LRGUK: variants seen among roughly 807,000 people sequenced by gnomAD.
The protein encoded by LRGUK is leucine-rich repeat and guanylate kinase domain-containing protein.
In LRGUK, 65 loss-of-function variants were observed where a neutral mutation model predicts 76.0. The observed-to-expected ratio is 0.85, with a 90% confidence interval of 0.70 to 1.05. The LOEUF is 1.05. Among genes scored for constraint, LRGUK ranks in the 50% least tolerant of loss-of-function variants. The pLI, the probability that LRGUK is intolerant of heterozygous loss-of-function variation, is 0.00. For synonymous variants in LRGUK, 268 were observed against 265.6 expected, an observed-to-expected ratio of 1.01 and a Z score of -0.09; for missense variants, 758 against 732.8, an observed-to-expected ratio of 1.03 and a Z score of -0.40.
the LRGUK span, among the ~76,000 whole-genome samples, chr7:134,273,107 T>A: frequency 7.1e-4 from 108 of 152,290 alleles, 1 homozygote; most frequent in Admixed American, 3.8e-3. Flanking sequence ...ACAATCTTCT[T>A]CATGGAACTT....
chr7:134,197,357 A>G (rs1473982005), intron 13 of LRGUK, among the ~76,000 whole-genome samples: 3 of 152,234 alleles, frequency 2.0e-5, no homozygotes, highest in Admixed American at 6.5e-5. Flanking sequence ...AAGACACATG[A>G]AACATTAAGT....
intron 6 of LRGUK, among the ~76,000 whole-genome samples, chr7:134,160,003 A>G (rs897565932): frequency 6.6e-6 from 1 of 152,248 alleles, no homozygotes; most frequent in Non-Finnish European, 1.5e-5. Flanking sequence ...TTAAGTTAGA[A>G]AAGAAAGTCA....
chr7:134,257,511 A>G (rs1247145040), intron 18 of LRGUK, among the ~76,000 whole-genome samples: 1 of 152,142 alleles, frequency 6.6e-6, no homozygotes, highest in African/African-American at 2.4e-5. Flanking sequence ...ATTATCCTAA[A>G]AATGGAAATG....
rs188011796 is a variant in LRGUK, at chr7:134,239,512, G to A, written c.1984-8044G>A. Reference sequence around the variant, plus strand: ...CAGCGAGGCTGGGGGAGGGGCATCCGCCATTGCTGAGGCTTGAGTAGGTAA... The same window carrying A: ...CAGCGAGGCTGGGGGAGGGGCATCCACCATTGCTGAGGCTTGAGTAGGTAA... On this transcript the variant is annotated intron_variant, in intron 16 of 19. Transcript: ENST00000285928. Among the ~76,000 whole-genome samples, 648 of 152,318 alleles carry A rather than the reference G, an allele frequency of 4.3e-3. 5 individuals carry two copies. Among genetic ancestry groups the A allele is most frequent in the African/African-American group, 0.014 (590 of 41,572 alleles).
chr7:134,210,045 C>T, exon 16 of LRGUK: 1 of 399,772 alleles, frequency 2.5e-6, no homozygotes, highest in Non-Finnish European at 4.4e-6. Context: ...CGGGCCTCAC[C>T]CCACAACCAG....
At chr7:134,132,320 A>T (rs1218543590) in intron 1 of LRGUK, among the ~76,000 whole-genome samples, 1 of 152,194 alleles carries the variant, frequency 6.6e-6, no homozygotes, top group East Asian at 1.9e-4. Context: ...ATGCCACTGC[A>T]TTCCAGCCTG....
chr7:134,236,678 A>T (rs910837276), intron 16 of LRGUK, among the ~76,000 whole-genome samples: 3 of 152,234 alleles, frequency 2.0e-5, no homozygotes, highest in African/African-American at 7.2e-5. Context: ...TTCTTCTAGC[A>T]GAAGTTTCCT....
At chr7:134,218,047 C>T (rs959501244) in intron 15 of LRGUK, among the ~76,000 whole-genome samples, 1 of 152,104 alleles carries the variant, frequency 6.6e-6, no homozygotes, top group African/African-American at 2.4e-5. Context: ...CTGCAGCCTC[C>T]GCCTCCCAGG....
intron 16 of LRGUK, among the ~76,000 whole-genome samples, chr7:134,235,863 GGTTA>G: frequency 6.6e-6 from 1 of 152,114 alleles, no homozygotes; most frequent in East Asian, 1.9e-4. Context: ...AGATTAAAGG[GGTTA>G]GTTGACATCA....
intron 3 of LRGUK, among the ~76,000 whole-genome samples, chr7:134,142,665 A>G (rs1797813608): frequency 6.6e-6 from 1 of 152,222 alleles, no homozygotes; most frequent in Non-Finnish European, 1.5e-5. Context: ...TTAGTTATTT[A>G]GGGGCTAATT....
intron 19 of LRGUK, among the ~76,000 whole-genome samples, chr7:134,261,541 C>G (rs1168002004): frequency 6.6e-6 from 1 of 152,156 alleles, no homozygotes; most frequent in Non-Finnish European, 1.5e-5. Flanking sequence ...AGGACTCAGC[C>G]AAGTGCAGTG....
At chr7:134,200,145 A>T (rs1473576323) in intron 14 of LRGUK, among the ~76,000 whole-genome samples, 1 of 150,040 alleles carries the variant, frequency 6.7e-6, no homozygotes, top group African/African-American at 2.5e-5. Flanking sequence ...CAAGCAATAG[A>T]TCTGCCTCAA....
At chr7:134,191,362 A>T (rs1241817660) in intron 11 of LRGUK, among the ~76,000 whole-genome samples, 1 of 152,182 alleles carries the variant, frequency 6.6e-6, no homozygotes, top group Non-Finnish European at 1.5e-5. Context: ...ATAAGTATTG[A>T]TTTACTTCTT....
At chr7:134,158,718 A>G (rs1217167372) in intron 6 of LRGUK, among the ~76,000 whole-genome samples, 1 of 152,172 alleles carries the variant, frequency 6.6e-6, no homozygotes, top group African/African-American at 2.4e-5. Context: ...TCCCACAGAG[A>G]GCACTCTTTC....
At chr7:134,266,317 T>G (rs1802854223), downstream of LRGUK, among the ~76,000 whole-genome samples, 1 of 152,190 alleles carries the variant, frequency 6.6e-6, no homozygotes, top group Non-Finnish European at 1.5e-5. Flanking sequence ...ACACAGATGT[T>G]GGAATTATTG....
downstream of LRGUK, among the ~76,000 whole-genome samples, chr7:134,214,138 AAT>A: frequency 6.6e-6 from 1 of 152,374 alleles, no homozygotes; most frequent in South Asian, 2.1e-4. Context: ...ATGATTGGGA[AAT>A]TCACAGAAGA....
intron 7 of LRGUK, among the ~76,000 whole-genome samples, chr7:134,167,523 C>T (rs1349012243): frequency 6.6e-6 from 1 of 152,128 alleles, no homozygotes; most frequent in Non-Finnish European, 1.5e-5. Flanking sequence ...GAACAGGAGA[C>T]CGCAGGTTCC....
intron 5 of LRGUK, among the ~76,000 whole-genome samples, chr7:134,149,852 C>T (rs1214110452): frequency 6.6e-6 from 1 of 152,142 alleles, no homozygotes; most frequent in Non-Finnish European, 1.5e-5. Context: ...AAGACCACAG[C>T]AGCAGCATCA....
chr7:134,265,690 G>A (rs1323435884), downstream of LRGUK, among the ~76,000 whole-genome samples: 1 of 152,134 alleles, frequency 6.6e-6, no homozygotes, highest in African/African-American at 2.4e-5. Flanking sequence ...CCTTCTCTCT[G>A]CTGGGACAGT....
Sources: gnomAD v4.1 joint callset for allele counts (sites outside exome capture counted in the v4.1 genomes callset) on GRCh38, gnomAD v4.1.1 for gene constraint, MANE v1.5 for transcripts, NCBI Gene and HGNC (gene_info 2026-07-23, HGNC 2026-07-21) for gene names.